PROKR2: variants seen among roughly 807,000 people sequenced by gnomAD.
PROKR2 encodes G protein-coupled receptor 73-like 1.
A neutral mutation model predicts 23.4 loss-of-function variants in PROKR2; 26 were observed. That is an observed-to-expected ratio of 1.11 (90% confidence interval 0.81 to 1.54). The LOEUF is 1.54. Ranked by LOEUF, PROKR2 falls within the 40% of genes most tolerant of loss-of-function variation. The pLI is 0.00. For synonymous variants in PROKR2, 212 were observed against 201.2 expected, an observed-to-expected ratio of 1.05 and a Z score of -0.45; for missense variants, 453 against 511.5, an observed-to-expected ratio of 0.89 and a Z score of 1.10.
At chr20:5,314,419 T>A in intron 1 of PROKR2, 42 bp from the exon 2 acceptor site, 16 of 1,383,460 alleles carry the variant, frequency 1.2e-5, no homozygotes, top group Non-Finnish European at 1.6e-5. Context: ...GGGGTGAGGG[T>A]CCAGACCTTC....
In PROKR2 at chr20:5,301,676, A is replaced by C. The variant is rs529294973; in HGVS notation, c.*364T>G. Among the ~76,000 whole-genome samples, 1 of 152,342 alleles carries C rather than the reference A, an allele frequency of 6.6e-6. No individual in the cohort carries two copies. Among genetic ancestry groups the C allele is most frequent in the South Asian group, 2.1e-4 (1 of 4,830 alleles). On this transcript the variant is annotated 3_prime_UTR_variant, in exon 3 of 3. Coordinates refer to ENST00000678254, the MANE Select transcript of PROKR2 (RefSeq NM_144773.4). ...TTTTATATGTTTTTGATTGTAATCA[A>C]ATCAAGTGTTTTTTATTACAGTAGG...
At chr20:5,309,781 T>C (rs62203834) in intron 2 of PROKR2, among the ~76,000 whole-genome samples, 77,337 of 151,824 alleles carry the variant, frequency 0.51, 19,979 homozygotes, top group African/African-American at 0.61. Context: ...CTCAATCTGG[T>C]TCCACCATAA....
At chr20:5,305,684 G>GA (rs34611853) in intron 2 of PROKR2, among the ~76,000 whole-genome samples, 79,298 of 151,582 alleles carry the variant, frequency 0.52, 20,750 homozygotes, top group African/African-American at 0.57. Flanking sequence ...AACTATTCAG[G>GA]AAAAAAAAAT....
Position 5,302,585 on chromosome 20 carries a change from C to T in PROKR2, c.610G>A (p.Glu204Lys), listed in dbSNP as rs1255165303. 15 of 1,614,036 alleles carry T rather than the reference C, an allele frequency of 9.3e-6. No homozygotes were observed. Among genetic ancestry groups the T allele is most frequent in the Non-Finnish European group, 1.3e-5 (15 of 1,180,020 alleles). The change falls in exon 3 of 3, where the codon GAG (glutamate) becomes AAG (lysine). Residue 204 changes from glutamate to lysine, a missense_variant. Glu to Lys is a moderately conservative substitution (Grantham distance 56). Coordinates refer to ENST00000678254, the MANE Select transcript of PROKR2 (RefSeq NM_144773.4). ...CAGATCTGGCCACAGAAGATCTTCT[C>T]CTGGCTCTTGACAATAAAGAGGACC... Reference protein sequence around the residue: ...ETVLFIVKSQEKIFCGQIWPV... With the variant: ...ETVLFIVKSQKKIFCGQIWPV...
intron 2 of PROKR2, 92 bp from the exon 3 acceptor site, chr20:5,302,828 C>T (rs1979063538): frequency 2.2e-6 from 2 of 905,968 alleles, no homozygotes; most frequent in African/African-American, 3.3e-5. Flanking sequence ...AGCAGTGGCA[C>T]AGTGAATCCT....
At position 5,314,689 on chromosome 20, in the gene PROKR2, G is replaced by T. The variant is rs190808573; in HGVS notation, c.-8-312C>A. ...GGCTGCCCAGCTGTCAGGAAGGACA[G>T]CATAGGATGGATCAGACTGTCCAGA... On this transcript the variant is annotated intron_variant, in intron 1 of 2. Transcript: ENST00000678254. 3.4e-3 allele frequency among the ~76,000 whole-genome samples: 520 copies of T among 152,320 alleles called. 3 individuals are homozygous for T. The highest frequency in any genetic ancestry group is 0.012 in the African/African-American group (497 of 41,572).
rs1979657377 is a variant in PROKR2, at chr20:5,316,023, A to G, written c.-9+471T>C. Reference sequence around the variant, plus strand: ...GCCGCACTGTCGGCGTCTAGAGGCGACATCCTGGCAAAGACAGGAATCAAG... The same window carrying G: ...GCCGCACTGTCGGCGTCTAGAGGCGGCATCCTGGCAAAGACAGGAATCAAG... On this transcript the variant is annotated intron_variant, in intron 1 of 2. Coordinates refer to ENST00000678254, the MANE Select transcript of PROKR2 (RefSeq NM_144773.4). The surrounding 1 kb of genome is among the most constrained non-coding windows in gnomAD (Gnocchi z 5.0). 1 of 456,602 alleles carries G rather than the reference A, an allele frequency of 2.2e-6. No homozygotes were observed. Among genetic ancestry groups the G allele is most frequent in the African/African-American group, 2.0e-5 (1 of 50,090 alleles). The allele number at this position is 456,602 out of a possible 1,614,324, so 28.3% of individuals were successfully genotyped here.
Position 5,302,657 on chromosome 20 carries a change from C to G in PROKR2, c.538G>C (p.Val180Leu). 1.9e-6 allele frequency: 3 copies of G among 1,614,194 alleles called. No individual in the cohort carries two copies. Among genetic ancestry groups the G allele is most frequent in the Non-Finnish European group, 2.5e-6 (3 of 1,180,032 alleles). ...GATGGGATGGCAATGAGAATGGACA[C>G]CATCCAGACCAAGGCGATCAGGAAG... ...ASFLIALVWM[V>L]SILIAIPSAY... Residue 180 changes from valine (V) to leucine (L), a missense_variant, in exon 3 of 3, where the codon GTG (valine) becomes CTG (leucine). Val to Leu is a conservative substitution (Grantham distance 32, BLOSUM62 1). Transcript: ENST00000678254.
In PROKR2 at chr20:5,301,222, TTTG is replaced by T. The variant is rs1978974610; in HGVS notation, c.*815_*817del. On this transcript the variant is annotated 3_prime_UTR_variant, in exon 3 of 3. Coordinates refer to ENST00000678254, the MANE Select transcript of PROKR2 (RefSeq NM_144773.4). ...AGCCGTTGGTTGTTGTTGTTGTTGTTTTGTTGTTTGTTTGTTTGTTTTTTTCCT... is the reference window on the plus strand; with the variant it reads ...AGCCGTTGGTTGTTGTTGTTGTTGTTTTGTTTGTTTGTTTGTTTTTTTCCT... Among the ~76,000 whole-genome samples, 1 of 141,278 alleles carries T rather than the reference TTTG, an allele frequency of 7.1e-6. No individual in the cohort carries two copies. The highest frequency in any genetic ancestry group is 1.6e-5 in the Non-Finnish European group (1 of 63,234). The allele number at this position is 141,278 out of a possible 152,430, so 92.7% of individuals were successfully genotyped here. A position where few individuals can be genotyped will look rare whatever the true frequency, so the allele number is the denominator to read the frequency against.
At position 5,316,649 on chromosome 20, in the gene PROKR2, C is replaced by G. The variant is rs1448078148; in HGVS notation, c.-164G>C. 6.6e-6 allele frequency among the ~76,000 whole-genome samples: 1 copy of G among 152,230 alleles called. No individual in the cohort carries two copies. The highest frequency in any genetic ancestry group is 1.5e-5 in the Non-Finnish European group (1 of 68,038). On this transcript the variant is annotated 5_prime_UTR_variant, in exon 1 of 3. Transcript: ENST00000678254. This position sits in a 1 kb window ranked among gnomAD's most constrained non-coding sequence, Gnocchi z 5.0. ...GCGTGGGGGATGTCCCTCTTTTTTC[C>G]TCGCCCCGGCGGGCTCCTCCGGCGT...
intron 1 of PROKR2, chr20:5,315,973 GC>G (rs1159215027): frequency 2.2e-6 from 1 of 456,594 alleles, no homozygotes; most frequent in South Asian, 1.5e-5. Flanking sequence ...CGTTCCAGCA[GC>G]CCCCTTCCCG....
chr20:5,303,333 G>A (rs889469402), intron 2 of PROKR2, among the ~76,000 whole-genome samples: 5 of 152,158 alleles, frequency 3.3e-5, no homozygotes, highest in African/African-American at 1.2e-4. Context: ...CCCCTCCCAT[G>A]AGCTGTCATC....
At chr20:5,308,248 A>G (rs1488573853) in intron 2 of PROKR2, among the ~76,000 whole-genome samples, 1 of 152,084 alleles carries the variant, frequency 6.6e-6, no homozygotes, top group Non-Finnish European at 1.5e-5. Flanking sequence ...CATAAACAAA[A>G]TCTCTGCAGC....
At chr20:5,304,221 G>T (rs574992397) in intron 2 of PROKR2, among the ~76,000 whole-genome samples, 85 of 152,242 alleles carry the variant, frequency 5.6e-4, no homozygotes, top group Non-Finnish European at 9.4e-4. Flanking sequence ...AGATGAGAGG[G>T]TGATTTAGAG....
At chr20:5,315,442 AG>A (rs1012851708) in intron 1 of PROKR2, among the ~76,000 whole-genome samples, 3 of 151,822 alleles carry the variant, frequency 2.0e-5, no homozygotes, top group African/African-American at 7.2e-5. Context: ...GGCTTCACCG[AG>A]GGGCTGGAAA....
chr20:5,308,602 G>A (rs1038678248), intron 2 of PROKR2, among the ~76,000 whole-genome samples: 1 of 152,182 alleles, frequency 6.6e-6, no homozygotes, highest in East Asian at 1.9e-4. Flanking sequence ...CAGCTCTGAA[G>A]GCTGTGAAAC....
In PROKR2 at chr20:5,316,149, C is replaced by G. The variant is rs1202538354; in HGVS notation, c.-9+345G>C. 1 of 456,570 alleles carries G rather than the reference C, an allele frequency of 2.2e-6. No individual in the cohort carries two copies. Among genetic ancestry groups the G allele is most frequent in the African/African-American group, 2.0e-5 (1 of 50,076 alleles). The allele number at this position is 456,570 out of a possible 1,614,324, so 28.3% of individuals were successfully genotyped here. On this transcript the variant is annotated intron_variant, in intron 1 of 2. Coordinates refer to ENST00000678254, the MANE Select transcript of PROKR2 (RefSeq NM_144773.4). The surrounding 1 kb of genome is among the most constrained non-coding windows in gnomAD (Gnocchi z 5.0). ...CGGTGCGCGGGAATTTCCCCACGGA[C>G]GCTTGCTGTTTCCTGCTCACCTTTC...
chr20:5,316,544 G>T lies in PROKR2; in HGVS notation c.-59C>A. The T allele has an allele frequency of 2.8e-6, 1 of 359,550 alleles. No homozygotes were observed. The highest frequency in any genetic ancestry group is 3.6e-5 in the Admixed American group (1 of 27,944). 22.3% of individuals were successfully genotyped at this position (359,550 alleles called of 1,614,324 possible). A position where few individuals can be genotyped will look rare whatever the true frequency, so the allele number is the denominator to read the frequency against. ...GCTCTGCTGCTCCGGAAGCCGGATC[G>T]AGAGTCACAGTGTGGTTGGGCGCAG... On this transcript the variant is annotated 5_prime_UTR_variant, in exon 1 of 3. Transcript: ENST00000678254. This position sits in a 1 kb window ranked among gnomAD's most constrained non-coding sequence, Gnocchi z 5.0.
At chr20:5,311,113 A>G (rs1432987022) in intron 2 of PROKR2, among the ~76,000 whole-genome samples, 1 of 152,202 alleles carries the variant, frequency 6.6e-6, no homozygotes. Context: ...CCTATGCTTA[A>G]TATGGATGAG....
Sources: allele counts gnomAD v4.1 joint callset (sites outside exome capture counted in the v4.1 genomes callset), GRCh38; gene constraint gnomAD v4.1.1; non-coding constraint Gnocchi (gnomAD v3.1); transcripts MANE v1.5; gene names NCBI Gene and HGNC (gene_info 2026-07-23, HGNC 2026-07-21).